Variants in CACNA1C observed in about 807,000 individuals in gnomAD.
CACNA1C encodes calcium voltage-gated channel subunit alpha1 C.
CACNA1C carries 30 observed loss-of-function variants against 229.0 expected under a neutral mutation model. That is an observed-to-expected ratio of 0.13 (90% CI 0.10 to 0.18). CACNA1C has a LOEUF of 0.18. Among genes scored for constraint, CACNA1C ranks in the 10% least tolerant of loss-of-function variants. The pLI, the probability that CACNA1C is intolerant of heterozygous loss-of-function variation, is 1.00. For missense variants in CACNA1C, 1,658 were observed against 2,845.0 expected (o/e 0.58, Z 9.49); for synonymous variants, 1,114 against 1,132.5 (o/e 0.98, Z 0.33).
At chr12:2,286,235 C>A (rs2092654692) in intron 3 of CACNA1C, among the ~76,000 whole-genome samples, 1 of 152,162 alleles carries the variant, frequency 6.6e-6, no homozygotes, top group Admixed American at 6.5e-5. Flanking sequence ...GAGTTAATGT[C>A]AAAGCTTGCT....
At chr12:2,375,481 T>C (rs1302634011) in intron 3 of CACNA1C, among the ~76,000 whole-genome samples, 1 of 152,162 alleles carries the variant, frequency 6.6e-6, no homozygotes, top group Non-Finnish European at 1.5e-5. Flanking sequence ...GAACACCAAG[T>C]GAAGGAGTTA....
At chr12:2,231,345 A>C (rs946802095) in intron 3 of CACNA1C, among the ~76,000 whole-genome samples, 4 of 152,196 alleles carry the variant, frequency 2.6e-5, no homozygotes, top group Non-Finnish European at 5.9e-5. Context: ...GCTCTCACTT[A>C]AGCCATTCCG....
intron 3 of CACNA1C, among the ~76,000 whole-genome samples, chr12:2,121,322 G>C (rs1334370752): frequency 6.6e-6 from 1 of 152,230 alleles, no homozygotes; most frequent in Non-Finnish European, 1.5e-5. Context: ...GTTTTTAAAA[G>C]AAGCAGGCAG....
At chr12:2,003,817 C>A (rs2042731998) in intron 1 of CACNA1C, among the ~76,000 whole-genome samples, 1 of 152,176 alleles carries the variant, frequency 6.6e-6, no homozygotes, top group Non-Finnish European at 1.5e-5. Context: ...TTCTCCCCTT[C>A]TATCAAGTTT....
At position 2,634,389 on chromosome 12, in the gene CACNA1C, A is replaced by G. The variant is rs1380438006; in HGVS notation, c.3912+9A>G. Reference sequence around the variant, plus strand: ...CAATCACCGAGGTAAACGTAAGTACATGGCGTCTGTCCCTAACCGTCCGTG... The same window carrying G: ...CAATCACCGAGGTAAACGTAAGTACGTGGCGTCTGTCCCTAACCGTCCGTG... On this transcript the variant is annotated intron_variant, in intron 30 of 46. Transcript: ENST00000399655. 3 of 1,519,132 alleles carry G rather than the reference A, an allele frequency of 2.0e-6. No individual in the cohort carries two copies. Among genetic ancestry groups the G allele is most frequent in the East Asian group, 2.3e-5 (1 of 42,824 alleles). The allele number at this position is 1,519,132 out of a possible 1,614,324, so 94.1% of individuals were successfully genotyped here. A position where few individuals can be genotyped will look rare whatever the true frequency, so the allele number is the denominator to read the frequency against.
In CACNA1C at chr12:2,598,806, A is replaced by G. The variant is rs144857741; in HGVS notation, c.2853+1517A>G. On this transcript the variant is annotated intron_variant, in intron 21 of 46. Coordinates refer to ENST00000399655, the MANE Select transcript of CACNA1C (RefSeq NM_000719.7). Reference sequence around the variant, plus strand: ...CTTCCCCTGTGTCCTTGTCCCCAGGACACTCAGGTGCCCCCAGCTGCCATC... The same window carrying G: ...CTTCCCCTGTGTCCTTGTCCCCAGGGCACTCAGGTGCCCCCAGCTGCCATC... Among the ~76,000 whole-genome samples the G allele has an allele frequency of 6.0e-3, 910 of 152,260 alleles. 10 individuals are homozygous for G. The highest frequency in any genetic ancestry group is 0.02 in the Middle Eastern group (6 of 294).
intron 30 of CACNA1C, among the ~76,000 whole-genome samples, chr12:2,640,149 T>C (rs528979400): frequency 1.3e-5 from 2 of 152,274 alleles, no homozygotes; most frequent in Admixed American, 1.3e-4. Flanking sequence ...GTGTGCTTAC[T>C]CTCCACATGA....
At chr12:1,989,935 A>G (rs2154472942) in intron 1 of CACNA1C, among the ~76,000 whole-genome samples, 1 of 152,332 alleles carries the variant, frequency 6.6e-6, no homozygotes, top group East Asian at 1.9e-4. Context: ...CTCTCTAATA[A>G]CTGATATATG....
At chr12:2,577,029 C>G (rs1451353305) in intron 13 of CACNA1C, among the ~76,000 whole-genome samples, 2 of 152,260 alleles carry the variant, frequency 1.3e-5, no homozygotes, top group Non-Finnish European at 1.5e-5. Flanking sequence ...GAGCACCCCT[C>G]GTGATGCCAG....
chr12:2,610,427 G>T, intron 27 of CACNA1C, 114 bp from the exon 28 acceptor site: 1 of 1,067,474 alleles, frequency 9.4e-7, no homozygotes, highest in South Asian at 1.8e-5. Flanking sequence ...CAGACTTCCG[G>T]AGAACCCCAC....
chr12:2,107,588 C>T (rs1055821399), intron 1 of CACNA1C, among the ~76,000 whole-genome samples: 1 of 152,280 alleles, frequency 6.6e-6, no homozygotes, highest in Admixed American at 6.5e-5. Context: ...GAGGGGAATG[C>T]CAGCTTCCCC....
intron 1 of CACNA1C, among the ~76,000 whole-genome samples, chr12:1,979,096 T>C (rs563396283): frequency 5.2e-4 from 78 of 151,000 alleles, no homozygotes; most frequent in African/African-American, 1.8e-3. Context: ...TGCTGCAACC[T>C]CCGCCTCCCG....
chr12:2,648,121 G>C (rs1329045311), intron 30 of CACNA1C, among the ~76,000 whole-genome samples: 2 of 152,098 alleles, frequency 1.3e-5, no homozygotes, highest in Non-Finnish European at 2.9e-5. Context: ...CTGGGCAACA[G>C]AGCTGAGACC....
rs543912425 is a variant in CACNA1C, at chr12:2,336,661, C to T, written c.478-112315C>T. Among the ~76,000 whole-genome samples the T allele has an allele frequency of 7.2e-5, 11 of 152,212 alleles. No homozygotes were observed. The South Asian group carries it at 8.3e-4, about 12-fold the overall frequency. ...TTCCGGAAGGCTCTTTGCCTGTCCC[C>T]GAAAATTCTCAGCTCACACCCAGGG... is the stretch of plus-strand genomic sequence containing the variant. On this transcript the variant is annotated intron_variant, in intron 3 of 46. Transcript: ENST00000399655.
In CACNA1C at chr12:2,067,263, C is replaced by G. The variant is rs1337702384; in HGVS notation, c.49+13652C>G. Among the ~76,000 whole-genome samples, 5 of 152,062 alleles carry G rather than the reference C, an allele frequency of 3.3e-5. No homozygotes were observed. Among genetic ancestry groups the G allele is most frequent in the East Asian group, 1.9e-4 (1 of 5,174 alleles). On this transcript the variant is annotated intron_variant, in intron 1 of 46. Transcript: ENST00000399655. The surrounding 1 kb of genome is among the most constrained non-coding windows in gnomAD (Gnocchi z 5.3). Reference sequence around the variant, plus strand: ...GAGTCAGGGAGTCTGAATCCCCCAGCCTGCCTCCATCCCAGGTGGATTAGT... The same window carrying G: ...GAGTCAGGGAGTCTGAATCCCCCAGGCTGCCTCCATCCCAGGTGGATTAGT...
intron 29 of CACNA1C, among the ~76,000 whole-genome samples, chr12:2,621,407 C>A (rs1035440617): frequency 2.6e-5 from 4 of 152,142 alleles, no homozygotes; most frequent in Non-Finnish European, 5.9e-5. Flanking sequence ...AAGCTCAGCT[C>A]GCTCTGGAAA....
intron 3 of CACNA1C, among the ~76,000 whole-genome samples, chr12:2,232,706 G>A (rs2065814406): frequency 6.6e-6 from 1 of 151,782 alleles, no homozygotes; most frequent in South Asian, 2.1e-4. Flanking sequence ...TGTCCTTTTT[G>A]CCTCCATATT....
chr12:2,587,692 G>A (rs2153234999), intron 18 of CACNA1C, among the ~76,000 whole-genome samples: 1 of 152,300 alleles, frequency 6.6e-6, no homozygotes, highest in South Asian at 2.1e-4. Flanking sequence ...TCTGAGGACT[G>A]GGGGATGCTT....
At chr12:2,140,669 C>A (rs2154191805) in intron 3 of CACNA1C, among the ~76,000 whole-genome samples, 1 of 151,524 alleles carries the variant, frequency 6.6e-6, no homozygotes, top group East Asian at 1.9e-4. Context: ...TTTTGCCTGA[C>A]AAGTAGACCA....
Sources: allele counts gnomAD v4.1 joint callset (sites outside exome capture counted in the v4.1 genomes callset), GRCh38; gene constraint gnomAD v4.1.1; non-coding constraint Gnocchi (gnomAD v3.1); transcripts MANE v1.5; gene names NCBI Gene and HGNC (gene_info 2026-07-23, HGNC 2026-07-21).